The following TRPC5 variants were observed in gnomAD, a reference collection of about 807,000 sequenced individuals.
TRPC5 encodes short transient receptor potential channel 5.
A neutral mutation model predicts 56.5 loss-of-function variants in TRPC5; 9 were observed. That is an observed-to-expected ratio of 0.16 (90% confidence interval 0.10 to 0.28). The LOEUF is 0.28. TRPC5 is among the 10% of genes least tolerant of loss of function. TRPC5 has a pLI of 1.00. For synonymous variants in TRPC5, 282 were observed against 278.5 expected, an observed-to-expected ratio of 1.01 and a Z score of -0.13; for missense variants, 469 against 748.9, an observed-to-expected ratio of 0.63 and a Z score of 4.36.
At chrX:111,936,592 G>A (rs1294720619) in intron 2 of TRPC5, among the ~76,000 whole-genome samples, 1 of 104,696 alleles carries the variant, frequency 9.6e-6, no homozygotes, top group Non-Finnish European at 2.0e-5. Flanking sequence ...AGAATATGCG[G>A]TGTTTGGTTT....
At chrX:112,029,365 T>A (rs1929520783) in intron 1 of TRPC5, among the ~76,000 whole-genome samples, 1 of 112,358 alleles carries the variant, frequency 8.9e-6, no homozygotes, top group African/African-American at 3.2e-5. Context: ...ATTGTGTATA[T>A]GTACCACATT....
chrX:111,965,622 G>A (rs1299740448), intron 1 of TRPC5, among the ~76,000 whole-genome samples: 3 of 111,795 alleles, frequency 2.7e-5, no homozygotes, highest in Non-Finnish European at 3.8e-5. Flanking sequence ...ATAACAAACT[G>A]TCTCTCAGAC....
chrX:112,031,249 G>A (rs1366202530), intron 1 of TRPC5, among the ~76,000 whole-genome samples: 1 of 111,615 alleles, frequency 9.0e-6, no homozygotes, highest in African/African-American at 3.3e-5. Flanking sequence ...AAGAAAAGGG[G>A]ACAAAACCCC....
chrX:111,993,338 T>G (rs147834134), intron 1 of TRPC5, among the ~76,000 whole-genome samples: 6,419 of 111,795 alleles, frequency 0.057, 458 homozygotes, highest in African/African-American at 0.19. Flanking sequence ...TCTTTGCTAT[T>G]GTGAATAGTG....
At chrX:111,960,088 T>C (rs920315320) in intron 1 of TRPC5, among the ~76,000 whole-genome samples, 2 of 112,105 alleles carry the variant, frequency 1.8e-5, no homozygotes, top group Admixed American at 1.9e-4. Context: ...AAGCACTCAA[T>C]AGCTACATGT....
At chrX:111,854,512 T>C (rs1441335096) in intron 3 of TRPC5, among the ~76,000 whole-genome samples, 1 of 111,321 alleles carries the variant, frequency 9.0e-6, no homozygotes, top group Non-Finnish European at 1.9e-5. Context: ...GGGGTGTGGA[T>C]GGAGGAGAGA....
At chrX:111,851,510 G>GGT (rs563243659) in intron 5 of TRPC5, among the ~76,000 whole-genome samples, 12,496 of 98,898 alleles carry the variant, frequency 0.13, 671 homozygotes, top group Admixed American at 0.17. Flanking sequence ...GTATTAAGGT[G>GGT]GTGTGTGTGT....
At chrX:112,074,903 A>G (rs1930799699) in intron 1 of TRPC5, among the ~76,000 whole-genome samples, 1 of 112,169 alleles carries the variant, frequency 8.9e-6, no homozygotes, top group African/African-American at 3.2e-5. Flanking sequence ...TATCCTTCCA[A>G]CTAGCCCTCT....
chrX:111,862,078 C>T (rs946088853), intron 3 of TRPC5, among the ~76,000 whole-genome samples: 1 of 111,599 alleles, frequency 9.0e-6, no homozygotes, highest in Non-Finnish European at 1.9e-5. Context: ...ATTTTGTTCC[C>T]TTATTATCTC....
intron 7 of TRPC5, among the ~76,000 whole-genome samples, chrX:111,801,586 T>C (rs1921311716): frequency 8.9e-6 from 1 of 112,295 alleles, no homozygotes; most frequent in Non-Finnish European, 1.9e-5. Flanking sequence ...ATAGCCATCC[T>C]AGTGTGAACT....
intron 3 of TRPC5, among the ~76,000 whole-genome samples, chrX:111,911,722 C>A (rs1925823175): frequency 8.9e-6 from 1 of 112,099 alleles, no homozygotes; most frequent in South Asian, 3.7e-4. Context: ...TTTCATTGAC[C>A]TACAAACCTT....
chrX:111,964,333 C>A (rs1005185069), intron 1 of TRPC5, among the ~76,000 whole-genome samples: 3 of 111,626 alleles, frequency 2.7e-5, no homozygotes, highest in Non-Finnish European at 5.7e-5. Flanking sequence ...GTGAAAAGAC[C>A]AAATCTACGT....
intron 7 of TRPC5, among the ~76,000 whole-genome samples, chrX:111,808,859 G>A (rs1921607877): frequency 9.1e-6 from 1 of 109,694 alleles, no homozygotes; most frequent in African/African-American, 3.3e-5. Context: ...TCTTTAGTCA[G>A]TGTGTGATGA....
intron 1 of TRPC5, among the ~76,000 whole-genome samples, chrX:112,079,398 A>G (rs1483385705): frequency 7.1e-5 from 8 of 112,385 alleles, no homozygotes; most frequent in Non-Finnish European, 1.5e-4. Flanking sequence ...TGAGACAGCA[A>G]CACTGAGAAT....
At chrX:111,825,005 T>C (rs895481172) in intron 7 of TRPC5, among the ~76,000 whole-genome samples, 1 of 111,576 alleles carries the variant, frequency 9.0e-6, no homozygotes, top group Non-Finnish European at 1.9e-5. Flanking sequence ...CTCAGTTCAA[T>C]TTGTACTTCC....
chrX:112,028,942 T>G (rs1929506835), intron 1 of TRPC5, among the ~76,000 whole-genome samples: 1 of 112,475 alleles, frequency 8.9e-6, no homozygotes, highest in East Asian at 2.8e-4. Flanking sequence ...CATCTGTTGT[T>G]TATCTGTTGC....
chrX:112,022,125 G>C (rs756942653), intron 1 of TRPC5, among the ~76,000 whole-genome samples: 170 of 112,115 alleles, frequency 1.5e-3, no homozygotes, highest in African/African-American at 5.2e-3. Flanking sequence ...ACATTCTGGA[G>C]TATATAAGAG....
chrX:111,999,907 C>T (rs925767547), intron 1 of TRPC5, among the ~76,000 whole-genome samples: 2 of 111,157 alleles, frequency 1.8e-5, no homozygotes, highest in Admixed American at 9.6e-5. Flanking sequence ...CGGAGGTTGC[C>T]GTGACCCGAG....
chrX:111,893,447 T>G (rs771891320), intron 3 of TRPC5, among the ~76,000 whole-genome samples: 79 of 111,846 alleles, frequency 7.1e-4, no homozygotes, highest in African/African-American at 2.6e-3. Context: ...GTTTGAACAG[T>G]GTTTTGAGGA....
Sources: allele counts gnomAD v4.1 joint callset (sites outside exome capture counted in the v4.1 genomes callset), GRCh38; gene constraint gnomAD v4.1.1; transcripts MANE v1.5; gene names NCBI Gene and HGNC (gene_info 2026-07-23, HGNC 2026-07-21).